TTC19: variants seen among roughly 807,000 people sequenced by gnomAD.
TTC19 encodes the protein tetratricopeptide repeat domain 19.
TTC19 carries 38 observed loss-of-function variants against 49.5 expected under a neutral mutation model. That is an observed-to-expected ratio of 0.77 (90% CI 0.59 to 1.01). The LOEUF (loss-of-function observed/expected upper bound fraction) is 1.01, where lower values mean the gene tolerates loss of function less well. TTC19 is among the 50% of genes least tolerant of loss of function. TTC19 has a pLI of 0.00. For missense variants in TTC19, 475 were observed against 477.7 expected (o/e 0.99, Z 0.05); for synonymous variants, 204 against 185.2 (o/e 1.10, Z -0.83).
At chr17:16,002,754 G>C in intron 3 of TTC19, 39 bp from the exon 4 acceptor site, 1 of 1,593,532 alleles carries the variant, frequency 6.3e-7, no homozygotes, top group South Asian at 1.1e-5. Context: ...TAGGAACACA[G>C]TATTCTAAAC....
chr17:16,036,747 G>A (rs771909501), intron 2 of TTC19, among the ~76,000 whole-genome samples: 26 of 152,182 alleles, frequency 1.7e-4, no homozygotes, highest in Non-Finnish European at 3.4e-4. Flanking sequence ...GTTAGGGCTT[G>A]GATTAGGATT....
chr17:16,002,116 C>G (rs895220355), intron 3 of TTC19, 91 bp downstream of exon 3: 4 of 882,772 alleles, frequency 4.5e-6, no homozygotes, highest in Non-Finnish European at 7.5e-6. Context: ...TCCTGACTTT[C>G]ACGATGTTCT....
At chr17:16,025,317 C>A in intron 8 of TTC19, 146 bp downstream of exon 8, 1 of 811,916 alleles carries the variant, frequency 1.2e-6, no homozygotes, top group Non-Finnish European at 2.0e-6. Flanking sequence ...TTATCACCAG[C>A]ACCCTCACCC....
rs551147544 is a variant in TTC19 at position 16,019,825 on chromosome 17, A to G, written c.677-5192A>G. Among the ~76,000 whole-genome samples, 6 of 152,274 alleles carry G rather than the reference A, an allele frequency of 3.9e-5. No homozygotes were observed. In the South Asian group the frequency reaches 1.2e-3, roughly 32 times the overall value. ...CATAAAAGTGGAGTTGCCAGGGTGCATATACCAAATTGCTTAACAGGCTGG... is the reference window on the plus strand; with the variant it reads ...CATAAAAGTGGAGTTGCCAGGGTGCGTATACCAAATTGCTTAACAGGCTGG... On this transcript the variant is annotated intron_variant, in intron 7 of 9. Transcript: ENST00000261647.
chr17:16,010,309 G>C (rs1408037063), intron 7 of TTC19, among the ~76,000 whole-genome samples: 1 of 150,654 alleles, frequency 6.6e-6, no homozygotes, highest in Non-Finnish European at 1.5e-5. Flanking sequence ...GAGTAGCCGG[G>C]ACTACAGGCA....
rs1344024747 is a variant in TTC19 at position 16,028,911 on chromosome 17, C to G, written c.*1389C>G. On this transcript the variant is annotated 3_prime_UTR_variant, in exon 10 of 10. Coordinates refer to ENST00000261647, the MANE Select transcript of TTC19 (RefSeq NM_017775.4). ...CAAATCCTCAGGGATTAGACTAAAA[C>G]TAGAGTTTTGTATGTTGCAGATGTA... The G allele has an allele frequency of 2.5e-6, 1 of 407,182 alleles. No homozygotes were observed. Among genetic ancestry groups the G allele is most frequent in the African/African-American group, 2.3e-5 (1 of 43,594 alleles). 25.2% of individuals were successfully genotyped at this position (407,182 alleles called of 1,614,324 possible). A position where few individuals can be genotyped will look rare whatever the true frequency, so the allele number is the denominator to read the frequency against.
chr17:16,035,049 C>CAT, intron 2 of TTC19: 8 of 1,053,838 alleles, frequency 7.6e-6, no homozygotes, highest in South Asian at 1.6e-5. Context: ...AGAATGGTAA[C>CAT]ATGAAGAATC....
chr17:16,023,141 TTTAGA>T (rs1454884256), intron 7 of TTC19, among the ~76,000 whole-genome samples: 1 of 152,244 alleles, frequency 6.6e-6, no homozygotes, highest in East Asian at 1.9e-4. Context: ...TACATTTATC[TTTAGA>T]AAAGTTTGCT....
rs111815935 is a variant in TTC19, at chr17:16,042,860, A to G, written c.248-1643A>G. ...AAGAAGTAATGAGGTCTGCAAAGATATGTAAGTAGAGCTTAGTAGGAAAAG... is the reference window on the plus strand; with the variant it reads ...AAGAAGTAATGAGGTCTGCAAAGATGTGTAAGTAGAGCTTAGTAGGAAAAG... On this transcript the variant is annotated intron_variant, in intron 2 of 2. Transcript: ENST00000470649. Among the ~76,000 whole-genome samples, 1,007 of 152,326 alleles carry G rather than the reference A, an allele frequency of 6.6e-3. 14 individuals are homozygous for G. Among genetic ancestry groups the G allele is most frequent in the African/African-American group, 0.023 (974 of 41,570 alleles).
intron 7 of TTC19, among the ~76,000 whole-genome samples, chr17:16,017,419 A>C (rs1027183420): frequency 6.9e-6 from 1 of 144,436 alleles, no homozygotes; most frequent in Non-Finnish European, 1.5e-5. Flanking sequence ...ACTGCACTCC[A>C]GCCTGGGCGA....
chr17:16,008,915 GGT>G (rs1424676949), intron 7 of TTC19, among the ~76,000 whole-genome samples: 2 of 152,076 alleles, frequency 1.3e-5, no homozygotes, highest in African/African-American at 4.8e-5. Context: ...TAAAAGTAGA[GGT>G]GTGTGTGTTG....
At chr17:16,003,749 CTG>C in intron 4 of TTC19, 80 bp from the exon 5 acceptor site, 4 of 1,255,796 alleles carry the variant, frequency 3.2e-6, no homozygotes, top group Non-Finnish European at 4.6e-6. Context: ...TTGCATCAGA[CTG>C]GCACTTAGAA....
intron 4 of TTC19, among the ~76,000 whole-genome samples, 161 bp from the exon 5 acceptor site, chr17:16,003,670 C>T (rs1306799961): frequency 1.3e-5 from 2 of 151,856 alleles, no homozygotes; most frequent in Admixed American, 6.6e-5. Context: ...GATCTGTTTT[C>T]GCTTCAAAAG....
At chr17:16,032,559 G>C, downstream of TTC19, 2 of 1,359,300 alleles carry the variant, frequency 1.5e-6, no homozygotes, top group Non-Finnish European at 2.0e-6. Flanking sequence ...TTGTAGGATG[G>C]AGTAGAATAG....
At chr17:16,039,141 GTTACAA>G (rs2057068534) in intron 2 of TTC19, 1 of 283,740 alleles carries the variant, frequency 3.5e-6, no homozygotes, top group African/African-American at 2.1e-5. Flanking sequence ...TTATATTTGT[GTTACAA>G]TTACAATGCA....
chr17:16,022,873 ATGTTTGAAG>A (rs1417815572), intron 7 of TTC19, among the ~76,000 whole-genome samples: 3 of 152,192 alleles, frequency 2.0e-5, no homozygotes, highest in Non-Finnish European at 4.4e-5. Context: ...AGAATCATTT[ATGTTTGAAG>A]AAGTAAATAT....
exon 3 of TTC19, chr17:16,044,872 C>T (rs983332010): frequency 3.9e-6 from 3 of 775,280 alleles, no homozygotes; most frequent in African/African-American, 3.4e-5. Flanking sequence ...CACTCCACTG[C>T]TGCTGCTCCA....
chr17:16,044,864 C>A, exon 3 of TTC19: 2 of 803,854 alleles, frequency 2.5e-6, no homozygotes, highest in Non-Finnish European at 4.2e-6. Flanking sequence ...ATCCTGCCCA[C>A]TCCACTGCTG....
intron 7 of TTC19, among the ~76,000 whole-genome samples, chr17:16,021,360 C>A (rs1047805345): frequency 6.6e-6 from 1 of 152,220 alleles, no homozygotes; most frequent in Admixed American, 6.5e-5. Flanking sequence ...TGCACTGCAG[C>A]CTGGGCGACA....
Sources: gnomAD v4.1 joint callset for allele counts (sites outside exome capture counted in the v4.1 genomes callset) on GRCh38, gnomAD v4.1.1 for gene constraint, MANE v1.5 for transcripts, NCBI Gene and HGNC (gene_info 2026-07-23, HGNC 2026-07-21) for gene names.